Variants in NOTCH2 observed in about 807,000 individuals in gnomAD.
NOTCH2 encodes notch receptor 2.
NOTCH2 carries 29 observed loss-of-function variants against 235.8 expected under a neutral mutation model. That is an observed-to-expected ratio of 0.12 (90% CI 0.09 to 0.17). NOTCH2 has a LOEUF of 0.17. Among genes scored for constraint, NOTCH2 ranks in the 10% least tolerant of loss-of-function variants. The pLI is 1.00. For synonymous variants in NOTCH2, 1,086 were observed against 1,141.5 expected, an observed-to-expected ratio of 0.95 and a Z score of 0.98; for missense variants, 2,285 against 3,150.2, an observed-to-expected ratio of 0.73 and a Z score of 6.57.
At chr1:120,010,237 C>T (rs1247219878) in intron 2 of NOTCH2, among the ~76,000 whole-genome samples, 10 of 152,076 alleles carry the variant, frequency 6.6e-5, no homozygotes, top group Non-Finnish European at 1.5e-4. Flanking sequence ...TCTTAAAAGC[C>T]TCAGGCCAGA....
intron 1 of NOTCH2, among the ~76,000 whole-genome samples, chr1:120,058,965 A>T (rs1422502105): frequency 1.4e-5 from 1 of 72,152 alleles, no homozygotes; most frequent in East Asian, 3.8e-4. Flanking sequence ...CTGCTGGTTA[A>T]GCCTCTCAGT....
chr1:119,989,424 GT>G lies in NOTCH2; in HGVS notation c.752-2343del, dbSNP rs377372367. 2.6e-4 allele frequency among the ~76,000 whole-genome samples: 39 copies of G among 151,462 alleles called. No individual in the cohort carries two copies. In the East Asian group the frequency reaches 6.6e-3, roughly 25 times the overall value. On this transcript the variant is annotated intron_variant, in intron 4 of 33. Transcript: ENST00000256646. ...ATCTTTGTAATGTGGGATAAGCAAA[GT>G]TTTCACAAATATGACTGAAAGCACA...
chr1:119,936,820 T>C (rs2101098128), intron 21 of NOTCH2, among the ~76,000 whole-genome samples: 1 of 152,326 alleles, frequency 6.6e-6, no homozygotes, highest in East Asian at 1.9e-4. Flanking sequence ...ACATGTAACG[T>C]TTAGCATGAT....
chr1:119,919,256 A>T, intron 31 of NOTCH2, 56 bp downstream of exon 31: 1 of 1,513,544 alleles, frequency 6.6e-7, no homozygotes, highest in Non-Finnish European at 9.1e-7. Context: ...AAAAACGATA[A>T]AACATTATAG....
At chr1:119,951,580 T>C (rs948859627) in intron 14 of NOTCH2, among the ~76,000 whole-genome samples, 5 of 152,244 alleles carry the variant, frequency 3.3e-5, no homozygotes, top group Non-Finnish European at 7.3e-5. Context: ...GCACCATGTC[T>C]ACCACCCATG....
chr1:119,917,410 A>G (rs1649124533), intron 33 of NOTCH2, among the ~76,000 whole-genome samples: 2 of 152,222 alleles, frequency 1.3e-5, no homozygotes, highest in African/African-American at 4.8e-5. Flanking sequence ...ATGTCAGGGA[A>G]GAGAAAGAGT....
In NOTCH2 at chr1:119,915,737, G is replaced by A. The variant is rs1278379367; in HGVS notation, c.6985C>T (p.Pro2329Ser). ...AGAPQPQSTC[P>S]PAVAGPLPTM... ...GGCAGGGGGCCCGCAACAGCTGGAG[G>A]GCAGGTGGACTGAGGCTGGGGAGCC... The change falls in exon 34 of 34, where the codon CCT becomes TCT. Residue 2329 changes from proline to serine, a missense_variant. Transcript: ENST00000256646. The A allele has an allele frequency of 1.0e-5, 16 of 1,608,000 alleles. No homozygotes were observed. In the Admixed American group the frequency reaches 2.5e-4, roughly 25 times the overall value.
At chr1:119,930,880 C>T (rs1553195014) in intron 22 of NOTCH2, among the ~76,000 whole-genome samples, 3 of 151,498 alleles carry the variant, frequency 2.0e-5, no homozygotes, top group Non-Finnish European at 4.4e-5. Context: ...AGGTGGATCA[C>T]GAGGTCAGGA....
chr1:120,015,232 C>T (rs2725927), intron 2 of NOTCH2, among the ~76,000 whole-genome samples: 4,383 of 151,876 alleles, frequency 0.029, no homozygotes, highest in East Asian at 0.12. Context: ...TTTACTCCCT[C>T]TGGGCTAGTT....
chr1:119,986,353 A>T (rs1652016822), intron 5 of NOTCH2, among the ~76,000 whole-genome samples: 1 of 152,210 alleles, frequency 6.6e-6, no homozygotes, highest in Admixed American at 6.6e-5. Context: ...AACTTCCAAG[A>T]GGCTGTAAAA....
At chr1:119,961,447 G>A (rs1381524259) in intron 11 of NOTCH2, among the ~76,000 whole-genome samples, 1 of 152,256 alleles carries the variant, frequency 6.6e-6, no homozygotes, top group Non-Finnish European at 1.5e-5. Flanking sequence ...AAGATGCCTG[G>A]ATCAAGCCAG....
chr1:120,060,333 TTAAG>T (rs1193685831), intron 1 of NOTCH2, among the ~76,000 whole-genome samples: 8 of 145,420 alleles, frequency 5.5e-5, no homozygotes, highest in Non-Finnish European at 9.1e-5. Flanking sequence ...CATATTAAGA[TTAAG>T]TAATATTTAC....
intron 15 of NOTCH2, chr1:119,950,101 A>G (rs1650415776): frequency 8.5e-6 from 2 of 234,730 alleles, no homozygotes; most frequent in Non-Finnish European, 1.7e-5. Context: ...TGTAACAGCC[A>G]TCGAAGGGGT....
At position 119,920,209 on chromosome 1, in the gene NOTCH2, G is replaced by C; in HGVS notation, c.5479+20C>G. The C allele has an allele frequency of 6.2e-7, 1 of 1,613,598 alleles. No homozygotes were observed. The highest frequency in any genetic ancestry group is 8.5e-7 in the Non-Finnish European group (1 of 1,179,816). On this transcript the variant is annotated intron_variant, in intron 30 of 33. Transcript: ENST00000256646. ...GGGCAGACACAGCCCAGTGAAGAGG[G>C]GAAGAGGCCCGGTGCTGACCTGGGC...
At position 119,912,005 on chromosome 1, in the gene NOTCH2, C is replaced by T. The variant is rs1228457084; in HGVS notation, c.*3301G>A. 1 of 233,446 alleles carries T rather than the reference C, an allele frequency of 4.3e-6. No individual in the cohort carries two copies. The highest frequency in any genetic ancestry group is 2.2e-5 in the African/African-American group (1 of 45,336). 14.5% of individuals were successfully genotyped at this position (233,446 alleles called of 1,614,324 possible). ...AGCAAATTATGACATCATGAGGTAA[C>T]ACTGCCAGGCCATGGATGCAGTATT... On this transcript the variant is annotated 3_prime_UTR_variant, in exon 34 of 34. Transcript: ENST00000256646.
At chr1:120,068,937 G>A (rs1553217647) in intron 1 of NOTCH2, 26 of 820,748 alleles carry the variant, frequency 3.2e-5, no homozygotes, top group Non-Finnish European at 4.5e-5. Flanking sequence ...CCAGAATCTG[G>A]CATTCCTTCG....
intron 11 of NOTCH2, among the ~76,000 whole-genome samples, chr1:119,963,163 G>A (rs1245935348): frequency 7.4e-6 from 1 of 134,302 alleles, no homozygotes; most frequent in African/African-American, 3.0e-5. Context: ...AGGGAAGAAG[G>A]GAAGAAGGAA....
chr1:120,033,168 A>G (rs1654162768), intron 1 of NOTCH2, among the ~76,000 whole-genome samples: 2 of 86,894 alleles, frequency 2.3e-5, no homozygotes, highest in Admixed American at 1.4e-4. Flanking sequence ...GCTCACGCCT[A>G]TAATCCCAGC....
rs148915663 is a variant in NOTCH2, at chr1:120,005,386, T to G, written c.358A>C (p.Thr120Pro). 107 of 1,614,022 alleles carry G rather than the reference T, an allele frequency of 6.6e-5. No homozygotes were observed. The African/African-American group carries it at 1.3e-3, about 20-fold the overall frequency. ...GTATCCCGGCTGAGCATATGGCATG[T>G]GCCGCCATTCAGGCAGGGTCGAGAC... ...FVSRPCLNGG[T>P]CHMLSRDTYE... The change falls in exon 3 of 34, where the codon ACA (threonine) becomes CCA (proline). Residue 120 changes from threonine to proline, a missense_variant. By Grantham distance (38) the Thr-to-Pro change is conservative. Around this residue, in one of 6 missense-constraint regions of NOTCH2, gnomAD observed 431 missense variants for 757.8 expected, o/e 0.57. Coordinates refer to ENST00000256646, the MANE Select transcript of NOTCH2 (RefSeq NM_024408.4).
Sources: allele counts gnomAD v4.1 joint callset (sites outside exome capture counted in the v4.1 genomes callset), GRCh38; gene constraint gnomAD v4.1.1; regional missense constraint gnomAD v4.1.1; transcripts MANE v1.5; gene names NCBI Gene and HGNC (gene_info 2026-07-23, HGNC 2026-07-21).